MICALL1: variants seen among roughly 807,000 people sequenced by gnomAD.
The protein encoded by MICALL1 is MICAL-like protein 1.
MICALL1 carries 61 observed loss-of-function variants against 83.7 expected under a neutral mutation model. The observed-to-expected ratio is 0.73, with a 90% CI of 0.59 to 0.90. The LOEUF (loss-of-function observed/expected upper bound fraction) is 0.90. MICALL1 is among the 40% of genes least tolerant of loss of function. MICALL1 has a pLI of 0.00. For missense variants in MICALL1, 1,066 were observed against 1,152.0 expected, an observed-to-expected ratio of 0.93 and a Z score of 1.08; for synonymous variants, 481 against 473.6, an observed-to-expected ratio of 1.02 and a Z score of -0.20.
At chr22:37,923,349 T>C (rs5750510) in intron 6 of MICALL1, among the ~76,000 whole-genome samples, 119,440 of 151,980 alleles carry the variant, frequency 0.79, 47,085 homozygotes, top group East Asian at 0.9. Flanking sequence ...GCCTCAGCCT[T>C]CCAAGTAGCT....
chr22:37,925,651 C>A lies in MICALL1; in HGVS notation c.1083-10C>A, dbSNP rs775549716. ...TGCTAATGGTTTCTGCTGCTTCCCC[C>A]CTCCTCCAGGACACCAGCCCCCAGG... On this transcript the variant is annotated splice_polypyrimidine_tract_variant and intron_variant, in intron 7 of 15. Coordinates refer to ENST00000215957, the MANE Select transcript of MICALL1 (RefSeq NM_033386.4). 9 of 1,591,046 alleles carry A rather than the reference C, an allele frequency of 5.7e-6. No homozygotes were observed. The highest frequency in any genetic ancestry group is 2.2e-5 in the East Asian group (1 of 44,456).
intron 15 of MICALL1, among the ~76,000 whole-genome samples, chr22:37,939,548 G>A (rs1051411609): frequency 2.6e-5 from 4 of 151,970 alleles, no homozygotes; most frequent in Non-Finnish European, 4.4e-5. Flanking sequence ...GGCCGAGGCC[G>A]GCAGATCACG....
intron 5 of MICALL1, among the ~76,000 whole-genome samples, 193 bp from the exon 6 acceptor site, chr22:37,921,779 A>G (rs1929047126): frequency 6.6e-6 from 1 of 152,130 alleles, no homozygotes; most frequent in African/African-American, 2.4e-5. Flanking sequence ...TGATTTGGTG[A>G]TTTTATTGTT....
At chr22:37,929,140 C>A (rs1929652957) in intron 9 of MICALL1, among the ~76,000 whole-genome samples, 1 of 152,006 alleles carries the variant, frequency 6.6e-6, no homozygotes, top group African/African-American at 2.4e-5. Flanking sequence ...CTGTCTTTGG[C>A]CTCCAGGGGC....
intron 3 of MICALL1, among the ~76,000 whole-genome samples, chr22:37,913,210 C>T (rs780914152): frequency 3.9e-5 from 6 of 152,194 alleles, no homozygotes; most frequent in South Asian, 2.1e-4. Context: ...GTGATCTGCC[C>T]GCCTCAGCCT....
chr22:37,911,048 A>C (rs1601803454), intron 1 of MICALL1, among the ~76,000 whole-genome samples: 1 of 152,192 alleles, frequency 6.6e-6, no homozygotes, highest in Non-Finnish European at 1.5e-5. Context: ...GGGAAGACTG[A>C]GCTGTCTCTG....
Position 37,924,600 on chromosome 22 carries a change from C to T in MICALL1, c.1025-60C>T. Reference sequence around the variant, plus strand: ...GGGGAGGCAGGTGCTGTGGCTGGCTCCCTGGGTGCCCACCTCCTGCTGCCC... The same window carrying T: ...GGGGAGGCAGGTGCTGTGGCTGGCTTCCTGGGTGCCCACCTCCTGCTGCCC... On this transcript the variant is annotated intron_variant, in intron 6 of 15. Transcript: ENST00000215957. This position sits in a 1 kb window ranked among gnomAD's most constrained non-coding sequence, Gnocchi z 5.2. The T allele has an allele frequency of 1.3e-6, 2 of 1,560,576 alleles. No individual in the cohort carries two copies. Among genetic ancestry groups the T allele is most frequent in the South Asian group, 1.1e-5 (1 of 87,286 alleles).
Position 37,924,652 on chromosome 22 carries a change from C to T in MICALL1, c.1025-8C>T. On this transcript the variant is annotated splice_region_variant and splice_polypyrimidine_tract_variant and intron_variant, in intron 6 of 15. Coordinates refer to ENST00000215957, the MANE Select transcript of MICALL1 (RefSeq NM_033386.4). This position sits in a 1 kb window ranked among gnomAD's most constrained non-coding sequence, Gnocchi z 5.2. ...TGAAGGCCTGGCTCACTCTCCTTTC[C>T]CATCTAGGGAGACTGCACGAACTGC... 1.2e-6 allele frequency: 2 copies of T among 1,609,524 alleles called. No individual in the cohort carries two copies. The highest frequency in any genetic ancestry group is 2.2e-5 in the East Asian group (1 of 44,488).
Position 37,925,981 on chromosome 22 carries a change from C to G in MICALL1, c.1403C>G (p.Pro468Arg). ...KSLHPWYGITPTSSPKTKKRP... is the reference protein window; with the variant it reads ...KSLHPWYGITRTSSPKTKKRP... Reference sequence around the variant, plus strand: ...CTGCACCCCTGGTACGGCATCACCCCTACCAGCAGCCCCAAGACAAAGAAG... The same window carrying G: ...CTGCACCCCTGGTACGGCATCACCCGTACCAGCAGCCCCAAGACAAAGAAG... The change falls in exon 8 of 16, where the codon CCT (proline) becomes CGT (arginine). Residue 468 changes from proline (P) to arginine (R), a missense_variant. Coordinates refer to ENST00000215957, the MANE Select transcript of MICALL1 (RefSeq NM_033386.4). 1 of 1,613,912 alleles carries G rather than the reference C, an allele frequency of 6.2e-7. No individual in the cohort carries two copies. Among genetic ancestry groups the G allele is most frequent in the South Asian group, 1.1e-5 (1 of 91,076 alleles).
rs1321402875 is a variant in MICALL1, at chr22:37,931,934, G to A, written c.2016+1G>A. 3.7e-6 allele frequency: 6 copies of A among 1,613,638 alleles called. No homozygotes were observed. Among genetic ancestry groups the A allele is most frequent in the Non-Finnish European group, 5.1e-6 (6 of 1,179,860 alleles). ...CGGCTTTCCACTCATCAAACGCAAG[G>A]TACCAGCTGGGAGCCCCCCGAGACC... On this transcript the variant is annotated splice_donor_variant, in intron 10 of 15. Transcript: ENST00000215957. LOFTEE classifies it high-confidence loss of function.
chr22:37,932,989 AGCCGGG>A lies in MICALL1; in HGVS notation c.2235-47_2235-42del. 6.2e-7 allele frequency: 1 copy of A among 1,613,174 alleles called. No individual in the cohort carries two copies. Among genetic ancestry groups the A allele is most frequent in the South Asian group, 1.1e-5 (1 of 91,072 alleles). ...CATCAGTAACAGCGCAGGGCAGGGC[AGCCGGG>A]GCTCGGGCAGAATTGTTAAGAGTCA... On this transcript the variant is annotated intron_variant, in intron 12 of 15. Coordinates refer to ENST00000215957, the MANE Select transcript of MICALL1 (RefSeq NM_033386.4). This position sits in a 1 kb window ranked among gnomAD's most constrained non-coding sequence, Gnocchi z 4.4.
intron 9 of MICALL1, 55 bp downstream of exon 9, chr22:37,927,881 C>T: frequency 1.3e-6 from 2 of 1,514,724 alleles, no homozygotes; most frequent in Non-Finnish European, 1.8e-6. Flanking sequence ...GGATGCGGGT[C>T]TGGTCTCAGG....
rs376904774 is a variant in MICALL1, at chr22:37,927,618, C to T, written c.1673C>T (p.Ser558Phe). The change falls in exon 9 of 16, where the codon TCC (serine) becomes TTC (phenylalanine). Residue 558 changes from serine to phenylalanine, a missense_variant. Physicochemically the swap from Ser to Phe is radical, Grantham distance 155. Transcript: ENST00000215957. ...AACCCTGTCAGCCTCTCTACCAACT[C>T]CTCCCTGGCCTCCTCTGGGGAACTA... ...PGNPVSLSTNSSLASSGELVE... is the reference protein window; with the variant it reads ...PGNPVSLSTNFSLASSGELVE... The T allele has an allele frequency of 6.2e-7, 1 of 1,613,984 alleles. No individual in the cohort carries two copies. Among genetic ancestry groups the T allele is most frequent in the South Asian group, 1.1e-5 (1 of 91,082 alleles).
intron 1 of MICALL1, 108 bp from the exon 2 acceptor site, chr22:37,911,844 T>C: frequency 9.2e-7 from 1 of 1,090,434 alleles, no homozygotes; most frequent in South Asian, 1.3e-5. Context: ...AGGTTGATGC[T>C]GGCTGGGACA....
intron 3 of MICALL1, among the ~76,000 whole-genome samples, chr22:37,915,248 TC>T (rs1007590721): frequency 2.6e-5 from 4 of 151,610 alleles, no homozygotes; most frequent in African/African-American, 9.7e-5. Flanking sequence ...CGAGACCCCA[TC>T]CCTAAACAGA....
intron 5 of MICALL1, among the ~76,000 whole-genome samples, chr22:37,920,411 A>G (rs1048212153): frequency 3.3e-5 from 5 of 151,754 alleles, no homozygotes; most frequent in African/African-American, 9.7e-5. Flanking sequence ...ATGGGGAAAA[A>G]TCTCGAGGAG....
chr22:37,923,329 C>T (rs190328391), intron 6 of MICALL1, among the ~76,000 whole-genome samples: 18 of 152,060 alleles, frequency 1.2e-4, no homozygotes, highest in Admixed American at 6.5e-4. Context: ...CAGGTTCAAG[C>T]GATTCTCCTG....
At chr22:37,917,327 C>T (rs1246892449) in intron 3 of MICALL1, among the ~76,000 whole-genome samples, 1 of 152,200 alleles carries the variant, frequency 6.6e-6, no homozygotes, top group East Asian at 1.9e-4. Flanking sequence ...GCTGTCAGGG[C>T]AGCACCATAT....
chr22:37,927,604 C>G lies in MICALL1; in HGVS notation c.1659C>G (p.Ser553Arg). 6.2e-7 allele frequency: 1 copy of G among 1,613,668 alleles called. No homozygotes were observed. The highest frequency in any genetic ancestry group is 8.5e-7 in the Non-Finnish European group (1 of 1,179,590). Residue 553 changes from serine (S) to arginine (R), a missense_variant, in exon 9 of 16, where the codon AGC becomes AGG. Transcript: ENST00000215957. Reference protein sequence around the residue: ...HAPGTPGNPVSLSTNSSLASS... With the variant: ...HAPGTPGNPVRLSTNSSLASS... ...CTGGTACCCCTGGAAACCCTGTCAG[C>G]CTCTCTACCAACTCCTCCCTGGCCT...
Sources: gnomAD v4.1 joint callset for allele counts (sites outside exome capture counted in the v4.1 genomes callset) on GRCh38, gnomAD v4.1.1 for gene constraint, Gnocchi (gnomAD v3.1) non-coding constraint, MANE v1.5 for transcripts, NCBI Gene and HGNC (gene_info 2026-07-23, HGNC 2026-07-21) for gene names.